Variants in NLGN1 observed in about 807,000 individuals in gnomAD.
NLGN1 encodes the protein neuroligin 1.
In NLGN1, 12 loss-of-function variants were observed where a neutral mutation model predicts 65.5. That is an observed-to-expected ratio of 0.18 (90% CI 0.12 to 0.30). The LOEUF is 0.30. Among genes scored for constraint, NLGN1 ranks in the 10% least tolerant of loss-of-function variants. The pLI is 1.00. For missense variants in NLGN1, 750 were observed against 1,007.1 expected, an observed-to-expected ratio of 0.74 and a Z score of 3.46; for synonymous variants, 350 against 359.5, an observed-to-expected ratio of 0.97 and a Z score of 0.30.
intron 2 of NLGN1, among the ~76,000 whole-genome samples, chr3:173,522,699 C>G (rs1477306343): frequency 6.6e-6 from 1 of 152,132 alleles, no homozygotes; most frequent in African/African-American, 2.4e-5. Context: ...TCCCAAAGTG[C>G]TGCGATTACA....
At chr3:174,127,129 T>C (rs1561106698) in intron 4 of NLGN1, among the ~76,000 whole-genome samples, 1 of 152,146 alleles carries the variant, frequency 6.6e-6, no homozygotes, top group Non-Finnish European at 1.5e-5. Context: ...GCTTAATAAA[T>C]ATTTTTACCA....
intron 2 of NLGN1, among the ~76,000 whole-genome samples, chr3:173,558,383 C>T (rs570110152): frequency 2.0e-5 from 3 of 152,156 alleles, no homozygotes; most frequent in Non-Finnish European, 4.4e-5. Context: ...AACATCTGGT[C>T]ACTATTTCCT....
chr3:174,144,233 A>G (rs1037070434), intron 4 of NLGN1, among the ~76,000 whole-genome samples: 1 of 152,186 alleles, frequency 6.6e-6, no homozygotes, highest in Non-Finnish European at 1.5e-5. Flanking sequence ...TGTCCCTGCA[A>G]ACAACATGAA....
chr3:173,671,018 C>T (rs1399655057), intron 3 of NLGN1, among the ~76,000 whole-genome samples: 1 of 152,010 alleles, frequency 6.6e-6, no homozygotes, highest in Non-Finnish European at 1.5e-5. Context: ...AAAATGATTC[C>T]TGTTGGCTTT....
chr3:173,523,136 G>A (rs1735041597), intron 2 of NLGN1, among the ~76,000 whole-genome samples: 1 of 100,750 alleles, frequency 9.9e-6, no homozygotes, highest in Non-Finnish European at 2.0e-5. Flanking sequence ...TGTTTTTGTT[G>A]TTGTTATTGA....
intron 4 of NLGN1, among the ~76,000 whole-genome samples, chr3:174,191,050 T>C (rs145589257): frequency 6.6e-6 from 1 of 152,080 alleles, no homozygotes; most frequent in East Asian, 1.9e-4. Context: ...ATGCACCCAA[T>C]GTATTAAATT....
At chr3:173,865,574 A>C (rs1729983921) in intron 4 of NLGN1, among the ~76,000 whole-genome samples, 1 of 152,148 alleles carries the variant, frequency 6.6e-6, no homozygotes, top group Non-Finnish European at 1.5e-5. Context: ...GCACTGATAG[A>C]TTTTTAAAAA....
chr3:173,834,882 C>T (rs904591499), intron 4 of NLGN1, among the ~76,000 whole-genome samples: 1 of 152,150 alleles, frequency 6.6e-6, no homozygotes, highest in Admixed American at 6.5e-5. Flanking sequence ...GGGGATATAA[C>T]AGAGGAGAAA....
At chr3:174,016,790 G>A (rs1726646969) in intron 4 of NLGN1, among the ~76,000 whole-genome samples, 1 of 152,132 alleles carries the variant, frequency 6.6e-6, no homozygotes, top group Admixed American at 6.5e-5. Flanking sequence ...GGAAATACCT[G>A]AAGCCACATA....
intron 2 of NLGN1, among the ~76,000 whole-genome samples, chr3:173,559,225 G>A (rs1003239913): frequency 1.3e-5 from 2 of 152,082 alleles, no homozygotes; most frequent in South Asian, 4.1e-4. Context: ...TCCACTACTG[G>A]TTTCTTGGCA....
intron 3 of NLGN1, among the ~76,000 whole-genome samples, chr3:173,796,276 T>TA (rs1267231803): frequency 6.6e-6 from 1 of 152,118 alleles, no homozygotes; most frequent in East Asian, 1.9e-4. Flanking sequence ...TCAGAGCTCA[T>TA]AATTATTCTC....
At chr3:173,894,944 T>C (rs1392466230) in intron 4 of NLGN1, among the ~76,000 whole-genome samples, 1 of 152,144 alleles carries the variant, frequency 6.6e-6, no homozygotes, top group African/African-American at 2.4e-5. Context: ...GCCAATAAAT[T>C]TATTTTCTTA....
chr3:174,241,716 C>T lies in NLGN1; in HGVS notation c.647-33599C>T, dbSNP rs548008779. Among the ~76,000 whole-genome samples the T allele has an allele frequency of 3.2e-3, 488 of 151,576 alleles. 1 individual carries two copies. Among genetic ancestry groups the T allele is most frequent in the African/African-American group, 0.01 (424 of 41,312 alleles). ...TCCCCCAGGCTGGAGTGCAGTGGCA[C>T]GATCTCGGCTCACTGCAAGCTCCGC... On this transcript the variant is annotated intron_variant, in intron 4 of 6. Coordinates refer to ENST00000457714, the Ensembl canonical transcript of NLGN1.
intron 4 of NLGN1, among the ~76,000 whole-genome samples, chr3:174,171,867 G>C (rs1418848263): frequency 6.6e-6 from 1 of 152,094 alleles, no homozygotes; most frequent in Non-Finnish European, 1.5e-5. Context: ...TCACCAGCTT[G>C]GATGACAATA....
chr3:173,703,106 A>G (rs746877429), intron 3 of NLGN1, among the ~76,000 whole-genome samples: 1 of 151,756 alleles, frequency 6.6e-6, no homozygotes, highest in African/African-American at 2.4e-5. Flanking sequence ...TACATTAAAC[A>G]CTACCAATAA....
intron 4 of NLGN1, among the ~76,000 whole-genome samples, chr3:173,824,893 G>A (rs1332887469): frequency 6.6e-6 from 1 of 152,056 alleles, no homozygotes; most frequent in African/African-American, 2.4e-5. Context: ...TCTAATGGAA[G>A]TAACTAGAAA....
intron 4 of NLGN1, among the ~76,000 whole-genome samples, chr3:174,066,564 C>CTCTCTCTCTCTGTG (rs1553925385): frequency 3.3e-4 from 33 of 100,082 alleles, no homozygotes; most frequent in African/African-American, 1.2e-3. Context: ...CTCTCTCTCT[C>CTCTCTCTCTCTGTG]TGTGTGTGTG....
chr3:173,489,429 G>A (rs1458208096), intron 2 of NLGN1, among the ~76,000 whole-genome samples: 1 of 152,076 alleles, frequency 6.6e-6, no homozygotes, highest in Non-Finnish European at 1.5e-5. Context: ...ATTTTTTATG[G>A]TTGCATAGTA....
intron 4 of NLGN1, among the ~76,000 whole-genome samples, chr3:173,893,646 C>T (rs1035546438): frequency 5.3e-5 from 8 of 152,176 alleles, no homozygotes; most frequent in African/African-American, 1.7e-4. Context: ...TTGTGTCTAT[C>T]ACTTTGTCTT....
Sources: allele counts gnomAD v4.1 joint callset (sites outside exome capture counted in the v4.1 genomes callset), GRCh38; gene constraint gnomAD v4.1.1; transcripts MANE v1.5; gene names NCBI Gene and HGNC (gene_info 2026-07-23, HGNC 2026-07-21).